Variants in SMIM14 observed in about 807,000 individuals in gnomAD.
SMIM14 encodes chromosome 4 open reading frame 34.
In SMIM14, 5 loss-of-function variants were observed where a neutral mutation model predicts 12.6. That is an observed-to-expected ratio of 0.40 (90% CI 0.21 to 0.83). SMIM14 has a LOEUF of 0.83. Among genes scored for constraint, SMIM14 ranks in the 40% least tolerant of loss-of-function variants. SMIM14 has a pLI of 0.37. For synonymous variants in SMIM14, 30 were observed against 40.1 expected (o/e 0.75, Z 0.95); for missense variants, 86 against 119.1 (o/e 0.72, Z 1.29).
At chr4:39,598,289 A>C (rs994975294) in intron 2 of SMIM14, among the ~76,000 whole-genome samples, 3 of 152,170 alleles carry the variant, frequency 2.0e-5, no homozygotes, top group African/African-American at 7.2e-5. Context: ...TAATTGTTTT[A>C]GTTATTCGTG....
At chr4:39,623,549 A>G (rs919718591) in intron 1 of SMIM14, among the ~76,000 whole-genome samples, 2 of 152,180 alleles carry the variant, frequency 1.3e-5, no homozygotes, top group African/African-American at 4.8e-5. Flanking sequence ...ATGAAGAACA[A>G]TATCATAATT....
intron 1 of SMIM14, among the ~76,000 whole-genome samples, chr4:39,628,111 A>C (rs1211912311): frequency 6.6e-6 from 1 of 152,040 alleles, no homozygotes; most frequent in Non-Finnish European, 1.5e-5. Context: ...ATTCAAGACC[A>C]GCCTGGCCAA....
intron 2 of SMIM14, among the ~76,000 whole-genome samples, chr4:39,577,590 G>A (rs1713271106): frequency 6.6e-6 from 1 of 151,908 alleles, no homozygotes; most frequent in Non-Finnish European, 1.5e-5. Context: ...ATCACACCCA[G>A]CTAATTTTTG....
At chr4:39,597,711 T>A (rs530602334) in intron 2 of SMIM14, among the ~76,000 whole-genome samples, 1 of 152,340 alleles carries the variant, frequency 6.6e-6, no homozygotes, top group African/African-American at 2.4e-5. Flanking sequence ...TCTGCATTTA[T>A]AACCGTAATG....
At chr4:39,560,402 G>A (rs1712243402) in intron 3 of SMIM14, among the ~76,000 whole-genome samples, 1 of 151,620 alleles carries the variant, frequency 6.6e-6, no homozygotes, top group African/African-American at 2.4e-5. Flanking sequence ...TCAAACTCCT[G>A]ACCTCAGGTG....
chr4:39,576,498 G>A (rs966889977), intron 2 of SMIM14, among the ~76,000 whole-genome samples: 17 of 151,046 alleles, frequency 1.1e-4, no homozygotes, highest in Non-Finnish European at 1.8e-4. Context: ...TGGTTGAAGC[G>A]TCTGAGACAT....
chr4:39,624,827 A>C (rs1045198695), intron 1 of SMIM14, among the ~76,000 whole-genome samples: 1 of 151,238 alleles, frequency 6.6e-6, no homozygotes, highest in African/African-American at 2.4e-5. Context: ...AAAAAAAAAA[A>C]AAAAAAACTT....
chr4:39,590,772 C>T (rs954723892), intron 2 of SMIM14, among the ~76,000 whole-genome samples: 8 of 149,910 alleles, frequency 5.3e-5, no homozygotes, highest in African/African-American at 2.0e-4. Context: ...ATTGCACTCC[C>T]GCTTGGGAGA....
intron 1 of SMIM14, among the ~76,000 whole-genome samples, chr4:39,615,044 CAAG>C (rs991543127): frequency 2.6e-5 from 4 of 152,118 alleles, no homozygotes; most frequent in African/African-American, 9.7e-5. Flanking sequence ...CCAGCTCATG[CAAG>C]TCTCTAAGAG....
At chr4:39,595,467 A>G (rs1714315546) in intron 2 of SMIM14, among the ~76,000 whole-genome samples, 1 of 150,772 alleles carries the variant, frequency 6.6e-6, no homozygotes, top group South Asian at 2.1e-4. Context: ...TGACAAGTTA[A>G]TGGGTGCAGC....
At chr4:39,619,185 ATAATT>A (rs770695725) in intron 1 of SMIM14, among the ~76,000 whole-genome samples, 78 of 147,292 alleles carry the variant, frequency 5.3e-4, no homozygotes, top group Non-Finnish European at 8.0e-4. Flanking sequence ...ACCAATAAAT[ATAATT>A]TAATTTATTC....
chr4:39,638,404 C>G, intron 1 of SMIM14: 1 of 929,392 alleles, frequency 1.1e-6, no homozygotes, highest in Non-Finnish European at 1.3e-6. Flanking sequence ...CTACGACTCT[C>G]TTTTTACTCC....
At chr4:39,600,753 C>T (rs1424145524) in intron 2 of SMIM14, among the ~76,000 whole-genome samples, 2 of 151,846 alleles carry the variant, frequency 1.3e-5, no homozygotes, top group Admixed American at 1.3e-4. Context: ...TGCCTGTAGT[C>T]CCAGCTACTC....
chr4:39,619,869 TATA>T (rs1168189229), intron 1 of SMIM14, among the ~76,000 whole-genome samples: 1,244 of 86,150 alleles, frequency 0.014, 17 homozygotes, highest in Non-Finnish European at 0.022. Context: ...TTTATATATA[TATA>T]TATATTTTTT....
At chr4:39,596,930 G>C (rs1038806035) in intron 2 of SMIM14, among the ~76,000 whole-genome samples, 1 of 152,088 alleles carries the variant, frequency 6.6e-6, no homozygotes, top group East Asian at 1.9e-4. Context: ...TATGTGCCAA[G>C]ATGCCCCGCT....
intron 1 of SMIM14, among the ~76,000 whole-genome samples, chr4:39,616,035 A>G (rs1453322551): frequency 6.6e-5 from 10 of 152,238 alleles, no homozygotes; most frequent in African/African-American, 2.4e-4. Flanking sequence ...GCCTCTTGCT[A>G]ATAGTATCTC....
chr4:39,635,928 C>T (rs778847060), intron 1 of SMIM14, among the ~76,000 whole-genome samples: 38 of 151,842 alleles, frequency 2.5e-4, no homozygotes, highest in Non-Finnish European at 5.1e-4. Flanking sequence ...ATCCCAGCAC[C>T]GTGGGCGGCC....
chr4:39,631,681 G>T (rs1356420425), intron 1 of SMIM14, among the ~76,000 whole-genome samples: 1 of 151,812 alleles, frequency 6.6e-6, no homozygotes, highest in African/African-American at 2.4e-5. Flanking sequence ...AAATAAATAT[G>T]TTAAAAGATA....
intron 1 of SMIM14, among the ~76,000 whole-genome samples, chr4:39,636,236 C>G (rs1716082082): frequency 6.7e-6 from 1 of 148,232 alleles, no homozygotes; most frequent in South Asian, 2.2e-4. Flanking sequence ...CAGGACCTTA[C>G]TGCCTGGGGC....
Sources: allele counts gnomAD v4.1 joint callset (sites outside exome capture counted in the v4.1 genomes callset), GRCh38; gene constraint gnomAD v4.1.1; transcripts MANE v1.5; gene names NCBI Gene and HGNC (gene_info 2026-07-23, HGNC 2026-07-21).